Variants in GSE1 observed in about 807,000 individuals in gnomAD.
GSE1 encodes genetic suppressor element 1.
In GSE1, 32 loss-of-function variants were observed where a neutral mutation model predicts 112.6. That is an observed-to-expected ratio of 0.28 (90% confidence interval 0.21 to 0.38). The LOEUF is 0.38. GSE1 is among the 10% of genes least tolerant of loss of function. GSE1 has a pLI of 1.00. For missense variants in GSE1, 2,348 were observed against 1,699.2 expected (o/e 1.38, Z -6.71); for synonymous variants, 1,115 against 735.6 (o/e 1.52, Z -8.35).
Position 85,663,012 on chromosome 16 carries a change from C to G in GSE1, c.2292C>G (p.Asp764Glu), listed in dbSNP as rs16975770. 1 of 1,612,590 alleles carries G rather than the reference C, an allele frequency of 6.2e-7. No individual in the cohort carries two copies. Among genetic ancestry groups the G allele is most frequent in the South Asian group, 1.1e-5 (1 of 91,072 alleles). Residue 764 changes from aspartate to glutamate, a missense_variant, in exon 10 of 16, where the codon GAC (aspartate) becomes GAG (glutamate). Asp to Glu is a conservative substitution (Grantham distance 45, BLOSUM62 2). Coordinates refer to ENST00000253458, the MANE Select transcript of GSE1 (RefSeq NM_014615.5). ...GYYYDLDDSY[D>E]ESDEEEVRAH... ...ACTACGACCTCGATGACTCTTACGA[C>G]GAGAGCGATGAGGAGGAGGTCAGGG...
chr16:85,566,270 G>T (rs1471900637), intron 1 of GSE1, among the ~76,000 whole-genome samples: 1 of 152,222 alleles, frequency 6.6e-6, no homozygotes, highest in Non-Finnish European at 1.5e-5. Flanking sequence ...ACTCCTGGTG[G>T]AGGCAGTGGG....
intron 2 of GSE1, among the ~76,000 whole-genome samples, chr16:85,645,278 C>T (rs1056858845): frequency 6.6e-6 from 1 of 151,850 alleles, no homozygotes; most frequent in African/African-American, 2.4e-5. Flanking sequence ...TGGGTGGGAG[C>T]GTGATGAGGT....
rs147924183 is a variant in GSE1 at position 85,354,002 on chromosome 16, G to C, written c.2284-3461G>C. Among the ~76,000 whole-genome samples, 80 of 152,318 alleles carry C rather than the reference G, an allele frequency of 5.3e-4. 1 individual carries two copies. Among genetic ancestry groups the C allele is most frequent in the African/African-American group, 1.7e-3 (71 of 41,564 alleles). ...TTCCTGCCTCTGGCGCCTTGTGCAG[G>C]TGCCTCCCACACCTGGAATGCTGTC... On this transcript the variant is annotated intron_variant, in intron 1 of 2. Transcript: ENST00000637419.
At chr16:85,485,229 C>T (rs968236119) in intron 2 of GSE1, among the ~76,000 whole-genome samples, 2 of 152,238 alleles carry the variant, frequency 1.3e-5, no homozygotes, top group African/African-American at 4.8e-5. Context: ...GCCACCCACT[C>T]ACGGTTTCCC....
intron 2 of GSE1, among the ~76,000 whole-genome samples, chr16:85,645,987 C>G (rs1455310269): frequency 6.7e-6 from 1 of 149,410 alleles, no homozygotes; most frequent in African/African-American, 2.5e-5. Flanking sequence ...TTCTACCACG[C>G]TTCCTATGCA....
At position 85,650,842 on chromosome 16, in the gene GSE1, G is replaced by A. The variant is rs117693973; in HGVS notation, c.426+2091G>A. Among the ~76,000 whole-genome samples, 5 of 151,454 alleles carry A rather than the reference G, an allele frequency of 3.3e-5. No homozygotes were observed. The East Asian group carries it at 7.9e-4, about 24-fold the overall frequency. On this transcript the variant is annotated intron_variant, in intron 3 of 15. Transcript: ENST00000253458. The stretch of plus-strand genomic sequence containing the variant: ...GCCATGAGTCTCCGAGGCTGCGGAC[G>A]TGGGTGGCAGTTGCCGGGCCGGAGG...
chr16:85,229,516 A>G (rs1313198163), intron 1 of GSE1, among the ~76,000 whole-genome samples: 1 of 152,208 alleles, frequency 6.6e-6, no homozygotes, highest in Non-Finnish European at 1.5e-5. Flanking sequence ...GCACCGTGCT[A>G]AGTGTTTTCA....
chr16:85,605,884 C>T (rs967796392), intron 1 of GSE1, among the ~76,000 whole-genome samples: 8 of 151,306 alleles, frequency 5.3e-5, no homozygotes, highest in Admixed American at 3.9e-4. Context: ...GCTGAGACTG[C>T]CTTGCTTGGA....
At chr16:85,422,537 C>T (rs962966677) in intron 2 of GSE1, among the ~76,000 whole-genome samples, 3 of 151,084 alleles carry the variant, frequency 2.0e-5, no homozygotes, top group East Asian at 2.0e-4. Flanking sequence ...CTTGTACACA[C>T]GTTCACGGAG....
chr16:85,393,485 T>C (rs1458852454), intron 2 of GSE1, among the ~76,000 whole-genome samples: 6 of 152,192 alleles, frequency 3.9e-5, no homozygotes, highest in Non-Finnish European at 8.8e-5. Flanking sequence ...CAGCACACAG[T>C]AGGTGCCTAA....
chr16:85,337,616 T>C (rs1391487731), intron 1 of GSE1, among the ~76,000 whole-genome samples: 1 of 150,988 alleles, frequency 6.6e-6, no homozygotes, highest in Non-Finnish European at 1.5e-5. Context: ...GGCTCAGGAC[T>C]TTCAAGCAGG....
intron 1 of GSE1, among the ~76,000 whole-genome samples, chr16:85,267,439 A>C (rs940416519): frequency 1.3e-5 from 2 of 152,084 alleles, no homozygotes; most frequent in Non-Finnish European, 2.9e-5. Context: ...GGCTGGCAGG[A>C]AGGAAAGGAG....
intron 1 of GSE1, among the ~76,000 whole-genome samples, chr16:85,241,989 GT>G (rs1459973181): frequency 6.6e-6 from 1 of 152,074 alleles, no homozygotes; most frequent in Non-Finnish European, 1.5e-5. Context: ...TGCACCTGGG[GT>G]CAGCCAGGTT....
intron 14 of GSE1, among the ~76,000 whole-genome samples, chr16:85,670,006 C>T (rs1044402160): frequency 6.6e-6 from 1 of 152,218 alleles, no homozygotes; most frequent in Non-Finnish European, 1.5e-5. Context: ...CTTATATTCA[C>T]CCCAAAGAGT....
intron 2 of GSE1, among the ~76,000 whole-genome samples, chr16:85,512,006 C>G (rs549271286): frequency 2.6e-5 from 4 of 152,286 alleles, no homozygotes; most frequent in African/African-American, 9.6e-5. Context: ...TAGTCAGGGT[C>G]TCCACGCAGG....
intron 2 of GSE1, among the ~76,000 whole-genome samples, chr16:85,409,960 A>G (rs1353971219): frequency 9.1e-5 from 1 of 10,956 alleles, no homozygotes; most frequent in African/African-American, 6.0e-4. Flanking sequence ...CCTCACTTTT[A>G]CACTCAGGGC....
chr16:85,251,213 A>C (rs1208263555), intron 1 of GSE1, among the ~76,000 whole-genome samples: 1 of 152,188 alleles, frequency 6.6e-6, no homozygotes, highest in African/African-American at 2.4e-5. Context: ...TGCTCTCCGC[A>C]GAGCAGCTTC....
chr16:85,517,336 C>T (rs2051984412), intron 2 of GSE1, among the ~76,000 whole-genome samples: 1 of 152,196 alleles, frequency 6.6e-6, no homozygotes, highest in South Asian at 2.1e-4. Context: ...CTTAACCTCC[C>T]CGTGCCACAG....
intron 1 of GSE1, among the ~76,000 whole-genome samples, chr16:85,252,776 G>A (rs897439763): frequency 1.2e-4 from 19 of 152,196 alleles, no homozygotes; most frequent in Admixed American, 5.9e-4. Context: ...CGAGTTACAG[G>A]TGCAGTCTGA....
Sources: gnomAD v4.1 joint callset for allele counts (sites outside exome capture counted in the v4.1 genomes callset) on GRCh38, gnomAD v4.1.1 for gene constraint, MANE v1.5 for transcripts, NCBI Gene and HGNC (gene_info 2026-07-23, HGNC 2026-07-21) for gene names.